The following CAMK2D variants were observed in gnomAD, a reference collection of about 807,000 sequenced individuals.
CAMK2D encodes calcium/calmodulin-dependent protein kinase type II subunit delta.
A neutral mutation model predicts 84.0 loss-of-function variants in CAMK2D; 37 were observed. The ratio of observed to expected loss-of-function variants is 0.44; its 90% CI spans 0.34 to 0.58. The LOEUF is 0.58. Ranked by LOEUF, CAMK2D falls within the 20% of genes least tolerant of loss-of-function variation. CAMK2D has a pLI of 0.02. For synonymous variants in CAMK2D, 202 were observed against 212.5 expected, an observed-to-expected ratio of 0.95 and a Z score of 0.43; for missense variants, 448 against 652.5, an observed-to-expected ratio of 0.69 and a Z score of 3.41.
intron 8 of CAMK2D, among the ~76,000 whole-genome samples, chr4:113,529,047 T>C (rs184133387): frequency 3.9e-5 from 6 of 152,268 alleles, no homozygotes; most frequent in African/African-American, 9.6e-5. Flanking sequence ...TCCTTTAAAG[T>C]GCACTGCATT....
At position 113,494,363 on chromosome 4, in the gene CAMK2D, G is replaced by A. The variant is rs554875625; in HGVS notation, c.1135+6100C>T. Among the ~76,000 whole-genome samples the A allele has an allele frequency of 2.8e-3, 429 of 152,302 alleles. 2 individuals carry two copies. Among genetic ancestry groups the A allele is most frequent in the Non-Finnish European group, 4.4e-3 (302 of 68,024 alleles). ...TTGTTAGTTTTCCTTCTAACAGAGAGGACCCTCAGCTGCAGGTCTGTTGGA... is the reference window on the plus strand; with the variant it reads ...TTGTTAGTTTTCCTTCTAACAGAGAAGACCCTCAGCTGCAGGTCTGTTGGA... On this transcript the variant is annotated intron_variant, in intron 16 of 20. Transcript: ENST00000511664.
At chr4:113,462,327 T>C (rs1329977978) in intron 17 of CAMK2D, among the ~76,000 whole-genome samples, 4 of 146,224 alleles carry the variant, frequency 2.7e-5, no homozygotes, top group African/African-American at 7.7e-5. Flanking sequence ...TGTCTGTCTG[T>C]CTGTCTGTCT....
intron 3 of CAMK2D, among the ~76,000 whole-genome samples, chr4:113,614,603 C>A (rs1400448041): frequency 6.6e-6 from 1 of 152,138 alleles, no homozygotes; most frequent in Non-Finnish European, 1.5e-5. Flanking sequence ...CTATTACTAG[C>A]AGAGGTCATA....
chr4:113,677,104 C>G (rs543498208), intron 2 of CAMK2D, among the ~76,000 whole-genome samples: 4 of 152,160 alleles, frequency 2.6e-5, no homozygotes, highest in Non-Finnish European at 5.9e-5. Context: ...GAATACTAAT[C>G]GCTCCTCTGT....
intron 14 of CAMK2D, 122 bp from the exon 15 acceptor site, chr4:113,503,099 T>C (rs2098079273): frequency 1.6e-5 from 12 of 769,896 alleles, no homozygotes; most frequent in South Asian, 1.3e-4. Flanking sequence ...GCTAAAGCGA[T>C]GTTAACTGCT....
chr4:113,617,505 G>T (rs980034391), intron 3 of CAMK2D, among the ~76,000 whole-genome samples: 6 of 151,768 alleles, frequency 4.0e-5, no homozygotes, highest in Non-Finnish European at 7.4e-5. Context: ...CATCTGTCGT[G>T]GTCTATCTTA....
chr4:113,462,355 T>C (rs989557589), intron 17 of CAMK2D, among the ~76,000 whole-genome samples: 2 of 151,522 alleles, frequency 1.3e-5, no homozygotes, highest in African/African-American at 4.9e-5. Flanking sequence ...TATCTATCTA[T>C]CTATCTATCT....
intron 2 of CAMK2D, among the ~76,000 whole-genome samples, chr4:113,725,507 C>A (rs995575445): frequency 1.3e-5 from 2 of 152,050 alleles, no homozygotes; most frequent in Non-Finnish European, 2.9e-5. Context: ...GTCCCTCTGG[C>A]CTTTCTAAGC....
intron 8 of CAMK2D, among the ~76,000 whole-genome samples, chr4:113,527,201 A>T (rs929091773): frequency 7.9e-5 from 12 of 152,242 alleles, no homozygotes; most frequent in Middle Eastern, 3.4e-3. Flanking sequence ...AAGACTCTTC[A>T]GCAAAAATAT....
chr4:113,492,971 C>CT (rs1237765036), intron 16 of CAMK2D, among the ~76,000 whole-genome samples: 1 of 87,780 alleles, frequency 1.1e-5, no homozygotes, highest in East Asian at 2.3e-4. Context: ...CAACCCCTGC[C>CT]TTTTTTTGTT....
At chr4:113,594,418 A>G (rs2098914114) in intron 4 of CAMK2D, among the ~76,000 whole-genome samples, 1 of 152,240 alleles carries the variant, frequency 6.6e-6, no homozygotes, top group Admixed American at 6.5e-5. Context: ...AAGAGACTGA[A>G]AAAGTTTCAG....
intron 3 of CAMK2D, among the ~76,000 whole-genome samples, chr4:113,653,119 T>C (rs1358542817): frequency 6.6e-6 from 1 of 152,084 alleles, no homozygotes; most frequent in Non-Finnish European, 1.5e-5. Context: ...ACGATAAATT[T>C]AACTTTCTAC....
rs532690079 is a variant in CAMK2D, at chr4:113,553,982, T to C, written c.276-1886A>G. ...ATATACTCGTAGTTATCCTTGTTTT[T>C]GACTATAAGTACCTAGAAAACCTAC... is the stretch of plus-strand genomic sequence containing the variant. On this transcript the variant is annotated intron_variant, in intron 4 of 20. Transcript: ENST00000511664. Among the ~76,000 whole-genome samples the C allele has an allele frequency of 2.1e-4, 32 of 152,314 alleles. No homozygotes were observed. In the South Asian group the frequency reaches 3.5e-3, roughly 17 times the overall value.
At position 113,457,370 on chromosome 4, in the gene CAMK2D, A is replaced by G; in HGVS notation, c.1500T>C (p.His500=). Reference sequence around the variant, plus strand: ...CTGTTGGTGACCCCGAGCGATGAAAATGAACATTCTGCCACTTTCCATCCC... The same window carrying G: ...CTGTTGGTGACCCCGAGCGATGAAAGTGAACATTCTGCCACTTTCCATCCC... ...HRRDGKWQNV[H]FHRSGSPTVP... The change falls in exon 19 of 21, where the codon CAT becomes CAC. Residue 500 remains histidine (H), a synonymous_variant. Coordinates refer to ENST00000511664, the MANE Select transcript of CAMK2D (RefSeq NM_001321571.2). 6.2e-7 allele frequency: 1 copy of G among 1,613,808 alleles called. No individual in the cohort carries two copies. Among genetic ancestry groups the G allele is most frequent in the Non-Finnish European group, 8.5e-7 (1 of 1,179,780 alleles).
intron 3 of CAMK2D, among the ~76,000 whole-genome samples, chr4:113,646,185 C>T (rs1277805710): frequency 1.3e-5 from 2 of 152,114 alleles, no homozygotes; most frequent in African/African-American, 4.8e-5. Context: ...AAAATTTATG[C>T]TTTTCTCTTA....
At chr4:113,730,337 A>C (rs940009725) in intron 2 of CAMK2D, among the ~76,000 whole-genome samples, 1 of 152,174 alleles carries the variant, frequency 6.6e-6, no homozygotes, top group African/African-American at 2.4e-5. Context: ...TTTCTTCAAA[A>C]TAATATGATG....
intron 4 of CAMK2D, among the ~76,000 whole-genome samples, chr4:113,567,936 T>G (rs1648571072): frequency 6.6e-6 from 1 of 152,228 alleles, no homozygotes; most frequent in South Asian, 2.1e-4. Context: ...TAACTAGACA[T>G]CATTTTACCA....
chr4:113,512,323 TAG>T (rs1333057231), intron 12 of CAMK2D, among the ~76,000 whole-genome samples: 1 of 152,220 alleles, frequency 6.6e-6, no homozygotes, highest in Non-Finnish European at 1.5e-5. Context: ...TCTCCACTTT[TAG>T]AGAGTGACGC....
At chr4:113,509,833 A>G (rs1159123540) in intron 12 of CAMK2D, among the ~76,000 whole-genome samples, 158 bp from the exon 13 acceptor site, 2 of 152,234 alleles carry the variant, frequency 1.3e-5, no homozygotes, top group Non-Finnish European at 1.5e-5. Flanking sequence ...GCGAGCTTAC[A>G]GGACATTGAA....
Sources: allele counts gnomAD v4.1 joint callset (sites outside exome capture counted in the v4.1 genomes callset), GRCh38; gene constraint gnomAD v4.1.1; transcripts MANE v1.5; gene names NCBI Gene and HGNC (gene_info 2026-07-23, HGNC 2026-07-21).